STRN4: variants seen among roughly 807,000 people sequenced by gnomAD.
The protein encoded by STRN4 is striatin-4.
STRN4 carries 27 observed loss-of-function variants against 77.9 expected under a neutral mutation model. That is an observed-to-expected ratio of 0.35 (90% CI 0.26 to 0.48). The LOEUF (loss-of-function observed/expected upper bound fraction) is 0.48. Ranked by LOEUF, STRN4 falls within the 20% of genes least tolerant of loss-of-function variation. STRN4 has a pLI of 0.99. For synonymous variants in STRN4, 466 were observed against 443.1 expected, an observed-to-expected ratio of 1.05 and a Z score of -0.65; for missense variants, 798 against 1,049.7, an observed-to-expected ratio of 0.76 and a Z score of 3.31.
rs1048481106 is a variant in STRN4 at position 46,723,548 on chromosome 19, C to T, written c.1595-264G>A. On this transcript the variant is annotated intron_variant, in intron 12 of 17. Coordinates refer to ENST00000263280, the MANE Select transcript of STRN4 (RefSeq NM_013403.3). This position sits in a 1 kb window ranked among gnomAD's most constrained non-coding sequence, Gnocchi z 5.5. ...TTCACAGCTGTCTCCCCAAGCAGGG[C>T]CCAGAAACTGGGAGCTCAATACAGA... Among the ~76,000 whole-genome samples, 14 of 152,212 alleles carry T rather than the reference C, an allele frequency of 9.2e-5. No homozygotes were observed. The highest frequency in any genetic ancestry group is 3.4e-4 in the African/African-American group (14 of 41,454).
intron 6 of STRN4, 141 bp from the exon 7 acceptor site, chr19:46,728,918 G>A (rs1034992371): frequency 1.6e-6 from 2 of 1,279,568 alleles, no homozygotes; most frequent in African/African-American, 1.5e-5. Flanking sequence ...CAGCTGCCCT[G>A]GAGCGCCCCC....
At chr19:46,726,942 C>G (rs1396484738) in intron 9 of STRN4, among the ~76,000 whole-genome samples, 1 of 152,152 alleles carries the variant, frequency 6.6e-6, no homozygotes, top group Non-Finnish European at 1.5e-5. Context: ...TCTGACCCCC[C>G]TTCCTGAATC....
At chr19:46,736,356 T>C (rs954708290) in intron 4 of STRN4, 1 of 152,530 alleles carries the variant, frequency 6.6e-6, no homozygotes, top group Non-Finnish European at 1.5e-5. Context: ...TCACAGTTGA[T>C]TACAGACCTA....
Position 46,720,550 on chromosome 19 carries a change from C to A in STRN4, c.*52G>T, listed in dbSNP as rs1411567663. The A allele has an allele frequency of 3.4e-6, 5 of 1,488,434 alleles. No homozygotes were observed. The East Asian group carries it at 1.2e-4, about 36-fold the overall frequency. 92.2% of individuals were successfully genotyped at this position (1,488,434 alleles called of 1,614,324 possible). A position where few individuals can be genotyped will look rare whatever the true frequency, so the allele number is the denominator to read the frequency against. On this transcript the variant is annotated 3_prime_UTR_variant, in exon 17 of 18. Coordinates refer to ENST00000263280, the MANE Select transcript of STRN4 (RefSeq NM_013403.3). Reference sequence around the variant, plus strand: ...TCTGCCCTCACCTCAGCCCCACCTGCCCGGCCCTACACCCCAGCCAGCGTG... The same window carrying A: ...TCTGCCCTCACCTCAGCCCCACCTGACCGGCCCTACACCCCAGCCAGCGTG...
intron 10 of STRN4, 22 bp downstream of exon 10, chr19:46,725,451 G>C: frequency 6.2e-7 from 1 of 1,613,756 alleles, no homozygotes; most frequent in Non-Finnish European, 8.5e-7. Flanking sequence ...CCTGCCCCCG[G>C]CTCTGAGCTT....
rs200786800 is a variant in STRN4 at position 46,736,918 on chromosome 19, C to T, written c.461-17G>A. On this transcript the variant is annotated splice_polypyrimidine_tract_variant and intron_variant, in intron 3 of 17. Transcript: ENST00000263280. ...CATTGGAGACTGGCGGGTGAGAGAA[C>T]GGAGGCTGTCTTAAGTCAGGCCACT... is the stretch of plus-strand genomic sequence containing the variant. The T allele has an allele frequency of 2.6e-5, 42 of 1,609,108 alleles. No homozygotes were observed. The East Asian group carries it at 3.2e-4, about 12-fold the overall frequency.
At position 46,720,835 on chromosome 19, in the gene STRN4, AC is replaced by A. The variant is rs2053960406; in HGVS notation, c.2093-65del. On this transcript the variant is annotated intron_variant, in intron 16 of 17. Coordinates refer to ENST00000263280, the MANE Select transcript of STRN4 (RefSeq NM_013403.3). The stretch of plus-strand genomic sequence containing the variant: ...CTCCTCGCTCAGACGCAGCCCTGGA[AC>A]CCCTCACCTGGCCTTGTCCAAAGGC... 1.4e-6 allele frequency: 2 copies of A among 1,472,430 alleles called. 1 individual carries two copies. The highest frequency in any genetic ancestry group is 4.5e-5 in the Admixed American group (2 of 44,498). The allele number at this position is 1,472,430 out of a possible 1,614,324, so 91.2% of individuals were successfully genotyped here. A position where few individuals can be genotyped will look rare whatever the true frequency, so the allele number is the denominator to read the frequency against.
chr19:46,742,581 G>T (rs1466036179), intron 1 of STRN4, among the ~76,000 whole-genome samples: 2 of 151,862 alleles, frequency 1.3e-5, no homozygotes, highest in African/African-American at 2.4e-5. Flanking sequence ...TATTTTTTTT[G>T]AGATGGCATC....
At chr19:46,725,681 G>C (rs752699720) in intron 9 of STRN4, 33 bp from the exon 10 acceptor site, 37 of 1,605,856 alleles carry the variant, frequency 2.3e-5, no homozygotes, top group Non-Finnish European at 3.2e-5. Context: ...CAGTGTCTTC[G>C]CATCCATCCC....
chr19:46,742,193 C>T (rs988288291), intron 1 of STRN4, among the ~76,000 whole-genome samples: 5 of 152,160 alleles, frequency 3.3e-5, no homozygotes, highest in African/African-American at 1.2e-4. Flanking sequence ...ACTTACTTCT[C>T]AGAATCCCCC....
At chr19:46,731,082 G>A (rs1407748348) in intron 5 of STRN4, among the ~76,000 whole-genome samples, 18 of 152,128 alleles carry the variant, frequency 1.2e-4, no homozygotes, top group Non-Finnish European at 4.4e-5. Context: ...CACTCAGACC[G>A]CAAACGGGGC....
Position 46,733,430 on chromosome 19 carries a change from A to C in STRN4, c.540-194T>G. Reference sequence around the variant, plus strand: ...GTGGAAGCCCTTGTACACACACACAATGCTATGTGTGAGGGTGCTCCCTGC... The same window carrying C: ...GTGGAAGCCCTTGTACACACACACACTGCTATGTGTGAGGGTGCTCCCTGC... On this transcript the variant is annotated intron_variant, in intron 4 of 17. Transcript: ENST00000263280. This position sits in a 1 kb window ranked among gnomAD's most constrained non-coding sequence, Gnocchi z 4.3. 4.0e-5 allele frequency: 23 copies of C among 581,718 alleles called. No homozygotes were observed. Among genetic ancestry groups the C allele is most frequent in the African/African-American group, 3.7e-5 (2 of 53,580 alleles). The allele number at this position is 581,718 out of a possible 1,614,324, so 36.0% of individuals were successfully genotyped here. A position where few individuals can be genotyped will look rare whatever the true frequency, so the allele number is the denominator to read the frequency against.
intron 1 of STRN4, among the ~76,000 whole-genome samples, chr19:46,742,992 C>T (rs932072435): frequency 5.9e-5 from 9 of 152,184 alleles, no homozygotes; most frequent in African/African-American, 2.2e-4. Flanking sequence ...TCTAAAAGTC[C>T]ACCAACCAGG....
chr19:46,722,388 G>A (rs2053999409), intron 14 of STRN4, 48 bp from the exon 15 acceptor site: 1 of 1,577,772 alleles, frequency 6.3e-7, no homozygotes, highest in Non-Finnish European at 8.7e-7. Flanking sequence ...AGAAAATCAG[G>A]AAGACCAGAA....
intron 13 of STRN4, 42 bp from the exon 14 acceptor site, chr19:46,722,992 G>A: frequency 6.2e-7 from 1 of 1,609,728 alleles, no homozygotes; most frequent in Non-Finnish European, 8.5e-7. Context: ...TGGACCCTCA[G>A]ACCCAGCCCT....
At position 46,725,365 on chromosome 19, in the gene STRN4, T is replaced by A; in HGVS notation, c.1439A>T (p.Asp480Val). ...AVTAKKNAAL[D>V]VEPIHAFRAH... Reference sequence around the variant, plus strand: ...CCGGAAAGCATGTATAGGTTCCACATCTAGCGCCGCATTCCTGTGGGATGA... The same window carrying A: ...CCGGAAAGCATGTATAGGTTCCACAACTAGCGCCGCATTCCTGTGGGATGA... The change falls in exon 11 of 18, where the codon GAT becomes GTT. Residue 480 changes from aspartate (D) to valine (V), a missense_variant. Asp to Val is a radical substitution (Grantham distance 152). Around this residue, in one of 2 missense-constraint regions of STRN4, gnomAD observed 287 missense variants for 473.8 expected, o/e 0.61. Coordinates refer to ENST00000263280, the MANE Select transcript of STRN4 (RefSeq NM_013403.3). 6.2e-7 allele frequency: 1 copy of A among 1,614,118 alleles called. No individual in the cohort carries two copies. The highest frequency in any genetic ancestry group is 8.5e-7 in the Non-Finnish European group (1 of 1,180,020).
At chr19:46,745,542 C>T (rs908228167) in intron 1 of STRN4, among the ~76,000 whole-genome samples, 2 of 152,076 alleles carry the variant, frequency 1.3e-5, no homozygotes, top group African/African-American at 4.8e-5. Flanking sequence ...AGGTTCCCGA[C>T]TTCCTCTCCC....
intron 1 of STRN4, among the ~76,000 whole-genome samples, chr19:46,742,970 A>G (rs1172622564): frequency 3.9e-5 from 6 of 152,230 alleles, no homozygotes; most frequent in African/African-American, 1.4e-4. Flanking sequence ...ATGGGGGAAA[A>G]ACTAGAAAAA....
chr19:46,726,710 A>C (rs1040323108), intron 9 of STRN4, among the ~76,000 whole-genome samples: 2 of 152,178 alleles, frequency 1.3e-5, no homozygotes, highest in African/African-American at 2.4e-5. Context: ...GCAGAGTACC[A>C]GGCAAGCCTC....
Sources: allele counts gnomAD v4.1 joint callset (sites outside exome capture counted in the v4.1 genomes callset), GRCh38; gene constraint gnomAD v4.1.1; regional missense constraint gnomAD v4.1.1; non-coding constraint Gnocchi (gnomAD v3.1); transcripts MANE v1.5; gene names NCBI Gene and HGNC (gene_info 2026-07-23, HGNC 2026-07-21).